The following BACE2 variants were observed in gnomAD, a reference collection of about 807,000 sequenced individuals.
The protein encoded by BACE2 is beta-secretase 2, also known as 56 kDa aspartic-like protease.
Under a neutral mutation model 46.2 loss-of-function variants are expected in BACE2, and 17 were observed. That is an observed-to-expected ratio of 0.37 (90% CI 0.25 to 0.55). BACE2 has a LOEUF of 0.55. Ranked by LOEUF, BACE2 falls within the 20% of genes least tolerant of loss-of-function variation. The pLI, the probability that BACE2 is intolerant of heterozygous loss-of-function variation, is 0.82. For synonymous variants in BACE2, 277 were observed against 295.9 expected (o/e 0.94, Z 0.66); for missense variants, 595 against 698.1 (o/e 0.85, Z 1.66).
rs764609218 is a variant in BACE2 at position 41,241,822 on chromosome 21, T to G, written c.622T>G (p.Ser208Ala). Reference sequence around the variant, plus strand: ...CCTCTCTGTCGCCCTCCCGCAGCCATCAAGTTCTCTGGAGACCTTCTTCGA... The same window carrying G: ...CCTCTCTGTCGCCCTCCCGCAGCCAGCAAGTTCTCTGGAGACCTTCTTCGA... ...GLAYATLAKP[S>A]SSLETFFDSL... The change falls in exon 4 of 9, where the codon TCA becomes GCA. Residue 208 changes from serine to alanine, a missense_variant. Transcript: ENST00000330333. 1 of 1,614,126 alleles carries G rather than the reference T, an allele frequency of 6.2e-7. No individual in the cohort carries two copies. The highest frequency in any genetic ancestry group is 8.5e-7 in the Non-Finnish European group (1 of 1,180,014).
At chr21:41,179,709 G>A (rs1985036604) in intron 1 of BACE2, 2 of 1,248,074 alleles carry the variant, frequency 1.6e-6, no homozygotes, top group Non-Finnish European at 2.1e-6. Context: ...GTGCTTCCCT[G>A]CTTACAGGCA....
rs2088481637 is a variant in BACE2 at position 41,275,774 on chromosome 21, G to T, written c.*150G>T. ...CTCCCAGATGCCTTCTAGATTCACT[G>T]TCTTTTGATTCTTGATTTTCAAGCT... On this transcript the variant is annotated 3_prime_UTR_variant, in exon 9 of 9. Transcript: ENST00000330333. The T allele has an allele frequency of 2.3e-6, 2 of 869,120 alleles. No individual in the cohort carries two copies. The highest frequency in any genetic ancestry group is 3.8e-5 in the South Asian group (2 of 52,396). The allele number at this position is 869,120 out of a possible 1,614,324, so 53.8% of individuals were successfully genotyped here. A position where few individuals can be genotyped will look rare whatever the true frequency, so the allele number is the denominator to read the frequency against.
intron 8 of BACE2, among the ~76,000 whole-genome samples, chr21:41,257,589 A>T (rs1397701667): frequency 1.3e-5 from 2 of 152,240 alleles, no homozygotes; most frequent in East Asian, 1.9e-4. Context: ...AGGAGTAAAA[A>T]TATGCCGTGA....
At chr21:41,209,857 A>G (rs1986243917) in intron 1 of BACE2, among the ~76,000 whole-genome samples, 1 of 152,196 alleles carries the variant, frequency 6.6e-6, no homozygotes, top group South Asian at 2.1e-4. Flanking sequence ...TTATGAAAGG[A>G]CATAGTTCCC....
At position 41,279,554 on chromosome 21, in the gene BACE2, G is replaced by A. The variant is rs1810868; in HGVS notation, c.*3930G>A. On this transcript the variant is annotated 3_prime_UTR_variant, in exon 9 of 9. Coordinates refer to ENST00000330333, the MANE Select transcript of BACE2 (RefSeq NM_012105.5). ...AGAGGTTGTAGTGAGCCAAGATTGC[G>A]CCACTGCACTCCAGCCTGGGCAACA... 61,626 of 152,084 alleles carry A rather than the reference G, an allele frequency of 0.41. 14,694 individuals are homozygous for A. The highest frequency in any genetic ancestry group is 0.7 in the East Asian group (3,642 of 5,170). 9.4% of individuals were successfully genotyped at this position (152,084 alleles called of 1,614,324 possible).
Position 41,209,883 on chromosome 21 carries a change from G to A in BACE2, c.313-16383G>A, listed in dbSNP as rs1462721139. On this transcript the variant is annotated intron_variant, in intron 1 of 8. Coordinates refer to ENST00000330333, the MANE Select transcript of BACE2 (RefSeq NM_012105.5). ...CATAGTTCCCAATATGTTTAAGGGCGTTGGCTATGGGTTTGGGATGAAACC... is the reference window on the plus strand; with the variant it reads ...CATAGTTCCCAATATGTTTAAGGGCATTGGCTATGGGTTTGGGATGAAACC... 3.9e-5 allele frequency among the ~76,000 whole-genome samples: 6 copies of A among 152,190 alleles called. No homozygotes were observed. The East Asian group carries it at 5.8e-4, about 15-fold the overall frequency.
Position 41,168,177 on chromosome 21 carries a change from C to G in BACE2, c.-87C>G. ...GCGCGCCCATCCCTGCCCGCAGCCC[C>G]GCGCGCCGGCCGAGTCGCTGAGCCG... On this transcript the variant is annotated 5_prime_UTR_variant, in exon 1 of 9. Transcript: ENST00000330333. 1.0e-5 allele frequency: 8 copies of G among 795,904 alleles called. No individual in the cohort carries two copies. The highest frequency in any genetic ancestry group is 1.0e-4 in the East Asian group (1 of 9,940). 49.3% of individuals were successfully genotyped at this position (795,904 alleles called of 1,614,324 possible).
intron 7 of BACE2, among the ~76,000 whole-genome samples, chr21:41,254,118 G>C (rs1194909180): frequency 6.6e-6 from 1 of 152,198 alleles, no homozygotes; most frequent in Non-Finnish European, 1.5e-5. Flanking sequence ...TAATAAGTGG[G>C]CAAACGATTG....
In BACE2 at chr21:41,207,854, G is replaced by C. The variant is rs562361635; in HGVS notation, c.313-18412G>C. Among the ~76,000 whole-genome samples the C allele has an allele frequency of 4.6e-5, 7 of 152,314 alleles. No homozygotes were observed. In the East Asian group the frequency reaches 7.7e-4, roughly 17 times the overall value. On this transcript the variant is annotated intron_variant, in intron 1 of 8. Coordinates refer to ENST00000330333, the MANE Select transcript of BACE2 (RefSeq NM_012105.5). Reference sequence around the variant, plus strand: ...GAGTGAGAATCAGACCCTGGTCGGGGGTGATCCCTGAAGGCAACGCAGTCA... The same window carrying C: ...GAGTGAGAATCAGACCCTGGTCGGGCGTGATCCCTGAAGGCAACGCAGTCA...
At chr21:41,233,522 GAAGAC>G (rs1987025698) in intron 2 of BACE2, among the ~76,000 whole-genome samples, 1 of 152,252 alleles carries the variant, frequency 6.6e-6, no homozygotes, top group Non-Finnish European at 1.5e-5. Context: ...GGAAACTAGA[GAAGAC>G]ATGCTAAATA....
chr21:41,168,654 C>A, intron 1 of BACE2, 79 bp downstream of exon 1: 2 of 1,116,692 alleles, frequency 1.8e-6, no homozygotes, highest in Non-Finnish European at 2.3e-6. Flanking sequence ...CTCCACGCGG[C>A]TTAGCGTCGC....
At chr21:41,264,599 A>G (rs1353240843) in intron 8 of BACE2, among the ~76,000 whole-genome samples, 1 of 152,082 alleles carries the variant, frequency 6.6e-6, no homozygotes, top group African/African-American at 2.4e-5. Flanking sequence ...GGAGAGAGAG[A>G]GAGAGGGGAA....
At chr21:41,179,665 A>G in intron 1 of BACE2, 1 of 1,349,016 alleles carries the variant, frequency 7.4e-7, no homozygotes, top group Non-Finnish European at 9.9e-7. Context: ...AGATTTTAGT[A>G]GAACAAAGGC....
At chr21:41,227,606 T>G (rs1986857547) in intron 2 of BACE2, among the ~76,000 whole-genome samples, 1 of 152,190 alleles carries the variant, frequency 6.6e-6, no homozygotes, top group Non-Finnish European at 1.5e-5. Context: ...TGCAGGTGCT[T>G]GCTGGGGAGA....
At chr21:41,210,260 A>G (rs914178) in intron 1 of BACE2, among the ~76,000 whole-genome samples, 98,191 of 151,714 alleles carry the variant, frequency 0.65, 33,019 homozygotes, top group East Asian at 0.94. Context: ...AGACCCCCCA[A>G]AAAAACCTTA....
intron 8 of BACE2, among the ~76,000 whole-genome samples, chr21:41,269,590 C>A (rs2088415232): frequency 6.6e-6 from 1 of 152,180 alleles, no homozygotes; most frequent in African/African-American, 2.4e-5. Flanking sequence ...TAAATGAAAT[C>A]ATACAGTATG....
intron 1 of BACE2, among the ~76,000 whole-genome samples, chr21:41,185,940 G>A (rs531577749): frequency 6.7e-4 from 102 of 152,292 alleles, no homozygotes; most frequent in African/African-American, 2.3e-3. Flanking sequence ...ACAGAAAGTC[G>A]AAAGCAAACA....
At chr21:41,198,143 C>A (rs1340507970) in intron 1 of BACE2, among the ~76,000 whole-genome samples, 1 of 152,070 alleles carries the variant, frequency 6.6e-6, no homozygotes. Flanking sequence ...AGGCACGCCC[C>A]ACCACACCCA....
At chr21:41,249,599 T>A (rs925982159) in intron 6 of BACE2, among the ~76,000 whole-genome samples, 1 of 152,190 alleles carries the variant, frequency 6.6e-6, no homozygotes, top group African/African-American at 2.4e-5. Context: ...CCGCAGCATC[T>A]TCTGCAGCAC....
Sources: allele counts gnomAD v4.1 joint callset (sites outside exome capture counted in the v4.1 genomes callset), GRCh38; gene constraint gnomAD v4.1.1; transcripts MANE v1.5; gene names NCBI Gene and HGNC (gene_info 2026-07-23, HGNC 2026-07-21).